Variants in PDE1A observed in about 807,000 individuals in gnomAD.
The protein encoded by PDE1A is phosphodiesterase 1A, also known as dual specificity calcium/calmodulin-dependent 3',5'-cyclic nucleotide phosphodiesterase 1A.
PDE1A carries 35 observed loss-of-function variants against 61.7 expected under a neutral mutation model. The ratio of observed to expected loss-of-function variants is 0.57; its 90% confidence interval spans 0.43 to 0.75. The LOEUF is 0.75. Among genes scored for constraint, PDE1A ranks in the 30% least tolerant of loss-of-function variants. The pLI, the probability that PDE1A is intolerant of heterozygous loss-of-function variation, is 0.00. For synonymous variants in PDE1A, 232 were observed against 213.2 expected, an observed-to-expected ratio of 1.09 and a Z score of -0.77; for missense variants, 597 against 630.6, an observed-to-expected ratio of 0.95 and a Z score of 0.57.
At chr2:182,314,589 C>T (rs1008430736) in intron 1 of PDE1A, 4 of 151,894 alleles carry the variant, frequency 2.6e-5, no homozygotes, top group Admixed American at 1.3e-4. Context: ...CACAGCCACC[C>T]GACAAAAAGA....
chr2:182,569,126 G>C, the PDE1A span, among the ~76,000 whole-genome samples: 1 of 151,740 alleles, frequency 6.6e-6, no homozygotes, highest in East Asian at 1.9e-4. Context: ...AGTGGCACAT[G>C]CCTGTAGTCC....
chr2:182,650,213 T>A, the PDE1A span, among the ~76,000 whole-genome samples: 141,839 of 152,148 alleles, frequency 0.93, 66,908 homozygotes, highest in East Asian at 1. Context: ...GGTCTCAGAC[T>A]ATGGGAAAAC....
intron 1 of PDE1A, among the ~76,000 whole-genome samples, chr2:182,360,742 G>A (rs1238760821): frequency 6.6e-6 from 1 of 151,606 alleles, no homozygotes; most frequent in Admixed American, 6.6e-5. Flanking sequence ...CCCCTATGGT[G>A]GAAGGGGCCC....
chr2:182,144,175 C>A (rs572480239), downstream of PDE1A, among the ~76,000 whole-genome samples: 2 of 152,322 alleles, frequency 1.3e-5, no homozygotes, highest in East Asian at 3.9e-4. Flanking sequence ...ATAGCACACT[C>A]AACGTTAAAG....
intron 1 of PDE1A, among the ~76,000 whole-genome samples, chr2:182,381,996 C>T (rs1700766220): frequency 6.6e-6 from 1 of 151,852 alleles, no homozygotes; most frequent in African/African-American, 2.4e-5. Flanking sequence ...TTATTATTTG[C>T]AGTATTTATA....
intron 1 of PDE1A, among the ~76,000 whole-genome samples, chr2:182,294,332 AC>A (rs1694734341): frequency 6.6e-6 from 1 of 152,230 alleles, no homozygotes; most frequent in African/African-American, 2.4e-5. Flanking sequence ...ACATTGGCTT[AC>A]AGAAAGGTAT....
intron 2 of PDE1A, among the ~76,000 whole-genome samples, chr2:182,501,728 T>C (rs932990499): frequency 2.0e-5 from 3 of 152,170 alleles, no homozygotes; most frequent in African/African-American, 7.2e-5. Flanking sequence ...CACCAATTCA[T>C]TGACCTCACC....
At chr2:182,522,327 T>G in exon 2 of PDE1A, 1 of 1,613,684 alleles carries the variant, frequency 6.2e-7, no homozygotes, top group Non-Finnish European at 8.5e-7. Context: ...TGTAAGATAC[T>G]TAAAAGTGGT....
At chr2:182,559,485 T>G in the PDE1A span, among the ~76,000 whole-genome samples, 2 of 152,162 alleles carry the variant, frequency 1.3e-5, no homozygotes, top group East Asian at 1.9e-4. Flanking sequence ...ACAGTAAATG[T>G]TGACAAGGGT....
chr2:182,399,274 T>C (rs1054333160), intron 1 of PDE1A, among the ~76,000 whole-genome samples: 3 of 152,146 alleles, frequency 2.0e-5, no homozygotes, highest in African/African-American at 7.2e-5. Context: ...TAAAATTCTA[T>C]GAATTTTGAC....
chr2:182,526,208 T>C (rs1690771522), upstream of PDE1A, among the ~76,000 whole-genome samples: 1 of 152,190 alleles, frequency 6.6e-6, no homozygotes, highest in Non-Finnish European at 1.5e-5. Context: ...CAGACTAAGG[T>C]ACTCTTAAAA....
the PDE1A span, among the ~76,000 whole-genome samples, chr2:182,548,896 T>C: frequency 6.6e-6 from 1 of 152,204 alleles, no homozygotes; most frequent in African/African-American, 2.4e-5. Flanking sequence ...TCCATGTGGA[T>C]AATCAATTAA....
the PDE1A span, among the ~76,000 whole-genome samples, chr2:182,701,281 C>T: frequency 2.6e-5 from 4 of 152,002 alleles, no homozygotes; most frequent in South Asian, 4.1e-4. Flanking sequence ...GTGATCCGCC[C>T]GCCTTGGCCT....
intron 1 of PDE1A, among the ~76,000 whole-genome samples, chr2:182,375,264 A>G (rs1241996316): frequency 6.6e-6 from 1 of 152,200 alleles, no homozygotes; most frequent in Non-Finnish European, 1.5e-5. Flanking sequence ...AAAAGTCCAC[A>G]GTCCAAAGTC....
intron 1 of PDE1A, among the ~76,000 whole-genome samples, chr2:182,404,833 C>A (rs1355364912): frequency 6.6e-6 from 1 of 152,126 alleles, no homozygotes; most frequent in Admixed American, 6.6e-5. Context: ...TTTGAAATAC[C>A]TCCTGAAGGA....
the PDE1A span, among the ~76,000 whole-genome samples, chr2:182,684,735 G>C: frequency 6.6e-6 from 1 of 152,106 alleles, no homozygotes; most frequent in East Asian, 1.9e-4. Flanking sequence ...ATTTTTAGTA[G>C]AGACAGGATT....
At chr2:182,298,563 AC>A (rs1474257223) in intron 1 of PDE1A, among the ~76,000 whole-genome samples, 2 of 152,070 alleles carry the variant, frequency 1.3e-5, no homozygotes, top group Non-Finnish European at 2.9e-5. Context: ...GAAGTGCCTC[AC>A]CCCGAGTTGT....
chr2:182,527,343 T>C (rs1474031366), upstream of PDE1A, among the ~76,000 whole-genome samples: 2 of 19,394 alleles, frequency 1.0e-4, no homozygotes, highest in Admixed American at 7.9e-4. Flanking sequence ...TATATATATA[T>C]ATATATATAT....
intron 2 of PDE1A, 103 bp downstream of exon 2, chr2:182,264,198 G>A: frequency 4.3e-6 from 3 of 696,766 alleles, no homozygotes; most frequent in African/African-American, 1.8e-5. Flanking sequence ...GGTTTCACAG[G>A]AAGATATGCT....
Sources: allele counts gnomAD v4.1 joint callset (sites outside exome capture counted in the v4.1 genomes callset), GRCh38; gene constraint gnomAD v4.1.1; transcripts MANE v1.5; gene names NCBI Gene and HGNC (gene_info 2026-07-23, HGNC 2026-07-21).